The following ANO1 variants were observed in gnomAD, a reference collection of about 807,000 sequenced individuals.
ANO1 encodes the protein anoctamin-1.
Under a neutral mutation model 124.0 loss-of-function variants are expected in ANO1, and 59 were observed. The ratio of observed to expected loss-of-function variants is 0.48; its 90% CI spans 0.39 to 0.59. ANO1 has a LOEUF of 0.59. ANO1 is among the 20% of genes least tolerant of loss of function. The pLI, the probability that ANO1 is intolerant of heterozygous loss-of-function variation, is 0.00. For missense variants in ANO1, 1,059 were observed against 1,328.0 expected (o/e 0.80, Z 3.15); for synonymous variants, 529 against 532.0 (o/e 0.99, Z 0.08).
At chr11:70,016,151 C>G (rs1856699940) in intron 1 of ANO1, among the ~76,000 whole-genome samples, 1 of 152,010 alleles carries the variant, frequency 6.6e-6, no homozygotes, top group South Asian at 2.1e-4. Context: ...CTTCGGCCTC[C>G]TAAGTAGCTG....
chr11:70,063,545 C>T (rs1857645229), intron 1 of ANO1: 1 of 152,148 alleles, frequency 6.6e-6, no homozygotes, highest in Admixed American at 6.5e-5. Flanking sequence ...GTTCTTGGTG[C>T]CTCATTACAC....
chr11:70,099,645 C>T (rs1565198220), intron 2 of ANO1, among the ~76,000 whole-genome samples: 1 of 152,136 alleles, frequency 6.6e-6, no homozygotes, highest in Non-Finnish European at 1.5e-5. Flanking sequence ...CAGTGCCCTC[C>T]GTGGCTCCCC....
chr11:69,976,532 AAAAAAAAAAAAAAAAAAAAAAAGAG>A, the ANO1 span, among the ~76,000 whole-genome samples: 1 of 26,196 alleles, frequency 3.8e-5, no homozygotes, highest in Non-Finnish European at 1.3e-4. Context: ...AAAAAAAAAA[AAAAAAAAAAAAAAAAAAAAAAAGAG>A]AGAGAGAGAG....
chr11:70,156,013 G>A lies in ANO1; in HGVS notation c.1503+25G>A, dbSNP rs373433387. The stretch of plus-strand genomic sequence containing the variant: ...GGTACTTTTCTATTTTGCGGGCAGC[G>A]CGCGTCTTGACTGTTTGCAGGCAAT... On this transcript the variant is annotated intron_variant, in intron 15 of 25. Coordinates refer to ENST00000355303, the MANE Select transcript of ANO1 (RefSeq NM_018043.7). 4.5e-5 allele frequency: 67 copies of A among 1,496,736 alleles called. No homozygotes were observed. The African/African-American group carries it at 6.0e-4, about 13-fold the overall frequency. 92.7% of individuals were successfully genotyped at this position (1,496,736 alleles called of 1,614,324 possible).
At position 70,149,950 on chromosome 11, in the gene ANO1, C is replaced by A. The variant is rs1005735144; in HGVS notation, c.1341+158C>A. ...CATCCCCCACCCCCTGCCTGCCTCG[C>A]CACTCAACACCCTGGCGTTCCGAAC... On this transcript the variant is annotated intron_variant, in intron 12 of 25. Transcript: ENST00000355303. The A allele has an allele frequency of 1.1e-5, 8 of 746,640 alleles. No homozygotes were observed. The African/African-American group carries it at 1.2e-4, about 11-fold the overall frequency. 46.3% of individuals were successfully genotyped at this position (746,640 alleles called of 1,614,324 possible).
At chr11:70,133,093 C>T (rs563551394) in intron 11 of ANO1, among the ~76,000 whole-genome samples, 4 of 152,292 alleles carry the variant, frequency 2.6e-5, no homozygotes, top group Admixed American at 1.3e-4. Flanking sequence ...GGCAGGCTCC[C>T]GGGGCCAGAA....
chr11:70,016,201 T>G (rs1856701492), intron 1 of ANO1, among the ~76,000 whole-genome samples: 1 of 152,030 alleles, frequency 6.6e-6, no homozygotes, highest in South Asian at 2.1e-4. Flanking sequence ...CTAATTTTTG[T>G]ATTTTTAGTA....
intron 1 of ANO1, among the ~76,000 whole-genome samples, chr11:70,084,242 A>C (rs947388630): frequency 6.6e-6 from 1 of 152,078 alleles, no homozygotes; most frequent in Non-Finnish European, 1.5e-5. Context: ...CTGTCTTCCA[A>C]GAGCAGCTTC....
At chr11:70,160,792 C>G (rs905841248) in intron 16 of ANO1, among the ~76,000 whole-genome samples, 1 of 152,236 alleles carries the variant, frequency 6.6e-6, no homozygotes, top group Non-Finnish European at 1.5e-5. Flanking sequence ...GTGTCCTGGG[C>G]TGTGCTTGGG....
At chr11:70,046,410 G>A (rs1857260631) in intron 1 of ANO1, among the ~76,000 whole-genome samples, 2 of 152,140 alleles carry the variant, frequency 1.3e-5, no homozygotes, top group African/African-American at 2.4e-5. Context: ...AGTGACAGTG[G>A]ACTTGGGAGA....
intron 1 of ANO1, among the ~76,000 whole-genome samples, chr11:70,049,630 G>T (rs1857318573): frequency 6.6e-6 from 1 of 152,226 alleles, no homozygotes; most frequent in Non-Finnish European, 1.5e-5. Context: ...GTGAGTGAAT[G>T]AACGAATAAG....
intron 1 of ANO1, among the ~76,000 whole-genome samples, chr11:70,010,179 G>GTATATATATATGTATATATATATATA (rs1555000857): frequency 1.2e-5 from 1 of 83,776 alleles, no homozygotes; most frequent in African/African-American, 4.7e-5. Context: ...GTGTGTGTGT[G>GTATATATATATGTATATATATATATA]TATATATATA....
At chr11:70,099,993 A>G (rs1470261845) in intron 2 of ANO1, among the ~76,000 whole-genome samples, 1 of 152,050 alleles carries the variant, frequency 6.6e-6, no homozygotes, top group Admixed American at 6.5e-5. Context: ...CGCTGAGATC[A>G]TCAGTTCTCA....
chr11:70,173,898 A>G (rs936554526), intron 22 of ANO1, among the ~76,000 whole-genome samples: 3 of 151,958 alleles, frequency 2.0e-5, no homozygotes, highest in Admixed American at 6.5e-5. Context: ...TAAAAATACA[A>G]AAATTAGCTG....
intron 1 of ANO1, among the ~76,000 whole-genome samples, chr11:70,024,963 C>G (rs1269728434): frequency 1.3e-5 from 2 of 152,234 alleles, no homozygotes; most frequent in Non-Finnish European, 2.9e-5. Context: ...GTGGGACAGA[C>G]AGCTGCAAGG....
chr11:70,005,219 G>A (rs963781452), intron 1 of ANO1, among the ~76,000 whole-genome samples: 3 of 151,890 alleles, frequency 2.0e-5, no homozygotes, highest in African/African-American at 7.3e-5. Context: ...TTTATTATGT[G>A]TTTATGTTCT....
chr11:70,137,429 G>A (rs962646661), intron 11 of ANO1, among the ~76,000 whole-genome samples: 2 of 19,474 alleles, frequency 1.0e-4, no homozygotes, highest in African/African-American at 1.9e-4. Flanking sequence ...CCCCCCACCC[G>A]CCATCACCGC....
intron 1 of ANO1, among the ~76,000 whole-genome samples, chr11:70,035,642 A>G (rs1555004321): frequency 6.6e-6 from 1 of 151,868 alleles, no homozygotes; most frequent in East Asian, 1.9e-4. Flanking sequence ...CTAAGTTTTA[A>G]GCCCTGCATG....
the ANO1 span, among the ~76,000 whole-genome samples, chr11:69,972,279 G>A: frequency 2.0e-5 from 3 of 151,464 alleles, no homozygotes; most frequent in African/African-American, 4.9e-5. Context: ...AAATGCCGGC[G>A]TTATCTCAGC....
Sources: gnomAD v4.1 joint callset for allele counts (sites outside exome capture counted in the v4.1 genomes callset) on GRCh38, gnomAD v4.1.1 for gene constraint, MANE v1.5 for transcripts, NCBI Gene and HGNC (gene_info 2026-07-23, HGNC 2026-07-21) for gene names.